The following DOCK2 variants were observed in gnomAD, a reference collection of about 807,000 sequenced individuals.
DOCK2 encodes the protein dedicator of cytokinesis protein 2.
DOCK2 carries 87 observed loss-of-function variants against 248.9 expected under a neutral mutation model. The observed-to-expected ratio is 0.35, with a 90% CI of 0.29 to 0.42. DOCK2 has a LOEUF of 0.42. Ranked by LOEUF, DOCK2 falls within the 10% of genes least tolerant of loss-of-function variation. DOCK2 has a pLI of 1.00. For missense variants in DOCK2, 1,747 were observed against 2,300.2 expected, an observed-to-expected ratio of 0.76 and a Z score of 4.92; for synonymous variants, 805 against 821.6, an observed-to-expected ratio of 0.98 and a Z score of 0.35.
At chr5:169,792,851 A>G (rs1366792846) in intron 25 of DOCK2, among the ~76,000 whole-genome samples, 1 of 152,172 alleles carries the variant, frequency 6.6e-6, no homozygotes, top group East Asian at 1.9e-4. Flanking sequence ...TTATTTTTCT[A>G]AAAGCACTTT....
chr5:169,882,754 G>A, intron 27 of DOCK2: 1 of 1,551,890 alleles, frequency 6.4e-7, no homozygotes, highest in Non-Finnish European at 8.7e-7. Context: ...CCTTGAAAGA[G>A]AGGATGGGAG....
rs142539033 is a variant in DOCK2 at position 169,996,474 on chromosome 5, C to T, written c.3072+310C>T. ...TTAAAAATGTATCACCTTTTTTTTA[C>T]TTTTCTATTCTCTGGAACCAAAAGG... On this transcript the variant is annotated intron_variant, in intron 30 of 51. Transcript: ENST00000520908. 1.5e-4 allele frequency among the ~76,000 whole-genome samples: 23 copies of T among 152,076 alleles called. No individual in the cohort carries two copies. In the East Asian group the frequency reaches 1.9e-3, roughly 13 times the overall value.
At chr5:169,637,766 A>G (rs1227657256) in intron 1 of DOCK2, among the ~76,000 whole-genome samples, 1 of 152,092 alleles carries the variant, frequency 6.6e-6, no homozygotes, top group African/African-American at 2.4e-5. Context: ...CCCACCATGC[A>G]TACTTCCACC....
intron 27 of DOCK2, among the ~76,000 whole-genome samples, chr5:169,905,663 A>G (rs1009287439): frequency 6.6e-6 from 1 of 152,162 alleles, no homozygotes; most frequent in African/African-American, 2.4e-5. Context: ...CAGGGACTGG[A>G]CAAACCATCC....
intron 34 of DOCK2, 30 bp from the exon 35 acceptor site, chr5:170,034,369 G>A (rs767770401): frequency 2.7e-5 from 43 of 1,612,314 alleles, no homozygotes; most frequent in Non-Finnish European, 3.2e-5. Flanking sequence ...CCCCAGCCAT[G>A]AGCTCACTGC....
chr5:170,077,612 C>T, intron 47 of DOCK2, 98 bp from the exon 48 acceptor site: 1 of 1,544,802 alleles, frequency 6.5e-7, no homozygotes, highest in East Asian at 2.3e-5. Context: ...CTCAGCCCCA[C>T]AACTCTGCCC....
At position 169,708,087 on chromosome 5, in the gene DOCK2, G is replaced by A. The variant is rs978924664; in HGVS notation, c.1384-82G>A. ...GTTGGCCCAGGCCCTAAGGCTGGTC[G>A]TGGCCTAGGGACCAAACCTGCACAA... is the stretch of plus-strand genomic sequence containing the variant. On this transcript the variant is annotated intron_variant, in intron 14 of 51. Transcript: ENST00000520908. 54 of 1,455,146 alleles carry A rather than the reference G, an allele frequency of 3.7e-5. No homozygotes were observed. The African/African-American group carries it at 4.0e-4, about 11-fold the overall frequency. 90.1% of individuals were successfully genotyped at this position (1,455,146 alleles called of 1,614,324 possible).
rs77313572 is a variant in DOCK2 at position 169,739,398 on chromosome 5, G to C, written c.2268-7998G>C. Among the ~76,000 whole-genome samples, 773 of 152,270 alleles carry C rather than the reference G, an allele frequency of 5.1e-3. 10 individuals carry two copies. The highest frequency in any genetic ancestry group is 0.018 in the African/African-American group (748 of 41,550). ...TCCCACATGAGAATGAGAAATTTCA[G>C]GAAAGGCTTTGGAGAAATGGACTGT... On this transcript the variant is annotated intron_variant, in intron 22 of 51. Transcript: ENST00000520908.
chr5:169,710,123 T>C (rs1221762869), intron 15 of DOCK2, among the ~76,000 whole-genome samples: 1 of 152,038 alleles, frequency 6.6e-6, no homozygotes, highest in Non-Finnish European at 1.5e-5. Context: ...GGACATAGAG[T>C]GACAGAAAAA....
intron 30 of DOCK2, 132 bp downstream of exon 30, chr5:169,996,296 G>C: frequency 2.3e-6 from 2 of 875,150 alleles, no homozygotes; most frequent in East Asian, 2.7e-5. Context: ...TCCCACGGGG[G>C]GTTATGGCTG....
intron 26 of DOCK2, among the ~76,000 whole-genome samples, chr5:169,816,389 T>C (rs1258935489): frequency 1.3e-5 from 2 of 152,198 alleles, no homozygotes; most frequent in African/African-American, 4.8e-5. Context: ...TAAACACAAT[T>C]GGTTTAACAG....
chr5:169,722,454 C>T (rs1282131413), intron 22 of DOCK2, among the ~76,000 whole-genome samples: 4 of 152,204 alleles, frequency 2.6e-5, no homozygotes, highest in Non-Finnish European at 5.9e-5. Context: ...CACAGATCCT[C>T]ATGCTGCCCC....
chr5:169,788,291 G>A (rs758370346), intron 25 of DOCK2, among the ~76,000 whole-genome samples: 4 of 152,146 alleles, frequency 2.6e-5, no homozygotes, highest in African/African-American at 4.8e-5. Flanking sequence ...CACATGAATA[G>A]AGAAACGGAA....
At chr5:169,827,134 A>G (rs1768918820) in intron 26 of DOCK2, among the ~76,000 whole-genome samples, 1 of 152,148 alleles carries the variant, frequency 6.6e-6, no homozygotes, top group East Asian at 1.9e-4. Flanking sequence ...GGGCATGAAT[A>G]TATTTATATA....
chr5:169,815,082 T>G (rs1400100692), intron 26 of DOCK2, among the ~76,000 whole-genome samples: 1 of 152,196 alleles, frequency 6.6e-6, no homozygotes, highest in African/African-American at 2.4e-5. Context: ...TCAGGGACCT[T>G]GCAGCCTATA....
intron 25 of DOCK2, among the ~76,000 whole-genome samples, chr5:169,777,370 C>T (rs914787668): frequency 2.6e-5 from 4 of 152,120 alleles, no homozygotes; most frequent in African/African-American, 7.2e-5. Context: ...CACTTAAATG[C>T]GACCACACTG....
intron 27 of DOCK2, among the ~76,000 whole-genome samples, chr5:169,963,771 A>C (rs1777186873): frequency 1.3e-5 from 2 of 151,710 alleles, no homozygotes; most frequent in African/African-American, 4.8e-5. Flanking sequence ...TCATTCACTC[A>C]CTACAGATGC....
chr5:169,902,751 G>C (rs546882724), intron 27 of DOCK2, among the ~76,000 whole-genome samples: 2 of 152,172 alleles, frequency 1.3e-5, no homozygotes, highest in Non-Finnish European at 2.9e-5. Context: ...CTAGGGACAC[G>C]GCAGTGAGCT....
At chr5:169,657,042 T>C (rs1305404648) in intron 2 of DOCK2, among the ~76,000 whole-genome samples, 1 of 152,264 alleles carries the variant, frequency 6.6e-6, no homozygotes, top group African/African-American at 2.4e-5. Context: ...ATTTATTAAT[T>C]ATTTGAAAAG....
Sources: gnomAD v4.1 joint callset for allele counts (sites outside exome capture counted in the v4.1 genomes callset) on GRCh38, gnomAD v4.1.1 for gene constraint, MANE v1.5 for transcripts, NCBI Gene and HGNC (gene_info 2026-07-23, HGNC 2026-07-21) for gene names.